EXOSC4: variants seen among roughly 807,000 people sequenced by gnomAD.
EXOSC4 encodes the protein exosome complex component RRP41.
EXOSC4 carries 14 observed loss-of-function variants against 20.0 expected under a neutral mutation model. The ratio of observed to expected loss-of-function variants is 0.70; its 90% CI spans 0.46 to 1.09. The LOEUF (loss-of-function observed/expected upper bound fraction) is 1.09. Among genes scored for constraint, EXOSC4 ranks in the 50% least tolerant of loss-of-function variants. The probability of loss-of-function intolerance (pLI) is 0.00; values close to 1 mark genes in which losing one functional copy is unlikely to be tolerated. For missense variants in EXOSC4, 337 were observed against 334.0 expected, an observed-to-expected ratio of 1.01 and a Z score of -0.07; for synonymous variants, 148 against 146.4, an observed-to-expected ratio of 1.01 and a Z score of -0.08.
At chr8:144,068,772 G>A in the EXOSC4 span, among the ~76,000 whole-genome samples, 2 of 152,210 alleles carry the variant, frequency 1.3e-5, no homozygotes, top group Non-Finnish European at 2.9e-5. Flanking sequence ...CTGAGGACAC[G>A]GGTTCCTTCC....
chr8:144,079,107 C>G (rs1444556350), intron 1 of EXOSC4: 6 of 491,666 alleles, frequency 1.2e-5, no homozygotes, highest in Non-Finnish European at 2.0e-5. Flanking sequence ...TCTGTCCCTG[C>G]GCCCTCCTTC....
At position 144,080,584 on chromosome 8, in the gene EXOSC4, A is replaced by G. The variant is rs150345900; in HGVS notation, c.721A>G (p.Ile241Val). The part of the protein sequence containing the change: ...VVRQHVREAS[I>V]LLGD ...CCGGCAGCATGTGCGTGAGGCCTCT[A>G]TCTTGCTGGGGGACTGACCACCCAG... The change falls in exon 3 of 3, where the codon ATC (isoleucine) becomes GTC (valine). Residue 241 changes from isoleucine (I) to valine (V), a missense_variant. By Grantham distance (29) the Ile-to-Val change is conservative. Coordinates refer to ENST00000316052, the MANE Select transcript of EXOSC4 (RefSeq NM_019037.3). This position sits in a 1 kb window ranked among gnomAD's most constrained non-coding sequence, Gnocchi z 4.9. 8.9e-5 allele frequency: 142 copies of G among 1,598,320 alleles called. No individual in the cohort carries two copies. In the African/African-American group the frequency reaches 1.4e-3, roughly 15 times the overall value.
chr8:144,066,568 A>C, the EXOSC4 span, among the ~76,000 whole-genome samples: 2 of 150,730 alleles, frequency 1.3e-5, no homozygotes, highest in Admixed American at 1.3e-4. Context: ...CAGCCTCCCA[A>C]GTAGCTGGGA....
At chr8:144,077,373 G>A (rs1209837327), upstream of EXOSC4, among the ~76,000 whole-genome samples, 1 of 152,212 alleles carries the variant, frequency 6.6e-6, no homozygotes, top group Non-Finnish European at 1.5e-5. Context: ...GCAGAGGGTG[G>A]GGAATCCGGG....
chr8:144,064,765 C>T, the EXOSC4 span, among the ~76,000 whole-genome samples: 821 of 152,284 alleles, frequency 5.4e-3, 2 homozygotes, highest in African/African-American at 0.019. Context: ...ACAGGAGAGC[C>T]ACCCTCACCC....
At chr8:144,070,352 C>T in the EXOSC4 span, among the ~76,000 whole-genome samples, 4 of 151,828 alleles carry the variant, frequency 2.6e-5, no homozygotes, top group Non-Finnish European at 5.9e-5. Flanking sequence ...GGAGAAACCC[C>T]GTCTCTAATA....
At chr8:144,071,888 G>A in the EXOSC4 span, among the ~76,000 whole-genome samples, 4 of 152,112 alleles carry the variant, frequency 2.6e-5, no homozygotes, top group East Asian at 3.9e-4. Flanking sequence ...GCTGAGGTGG[G>A]AGGATTGCTT....
chr8:144,073,433 C>T, the EXOSC4 span, among the ~76,000 whole-genome samples: 3 of 152,244 alleles, frequency 2.0e-5, no homozygotes, highest in South Asian at 2.1e-4. Context: ...GGAGGAGCAG[C>T]GATTCGTTCT....
chr8:144,076,478 T>A (rs1056109901), upstream of EXOSC4, among the ~76,000 whole-genome samples: 1 of 152,182 alleles, frequency 6.6e-6, no homozygotes, highest in Non-Finnish European at 1.5e-5. Flanking sequence ...CCCATGTGTG[T>A]ACCCTAAAGC....
At chr8:144,073,224 A>G in the EXOSC4 span, among the ~76,000 whole-genome samples, 1 of 152,076 alleles carries the variant, frequency 6.6e-6, no homozygotes, top group Non-Finnish European at 1.5e-5. Context: ...TACTAAAAAT[A>G]CAAATACAAA....
Position 144,080,581 on chromosome 8 carries a change from T to A in EXOSC4, c.718T>A (p.Ser240Thr). Residue 240 changes from serine to threonine, a missense_variant, in exon 3 of 3, where the codon TCT becomes ACT. Ser to Thr is a moderately conservative substitution (Grantham distance 58). Transcript: ENST00000316052. The surrounding 1 kb of genome is among the most constrained non-coding windows in gnomAD (Gnocchi z 4.9). ...GGTCCGGCAGCATGTGCGTGAGGCC[T>A]CTATCTTGCTGGGGGACTGACCACC... ...RVVRQHVREA[S>T]ILLGD The A allele has an allele frequency of 6.3e-7, 1 of 1,598,546 alleles. No homozygotes were observed.
chr8:144,066,000 T>G, the EXOSC4 span, among the ~76,000 whole-genome samples: 1 of 146,112 alleles, frequency 6.8e-6, no homozygotes, highest in African/African-American at 2.6e-5. Context: ...TTTTTTTTGG[T>G]AGAAACAGGG....
rs188660237 is a variant in EXOSC4, at chr8:144,080,213, G to A, written c.379-29G>A. On this transcript the variant is annotated intron_variant, in intron 2 of 2. Transcript: ENST00000316052. This position sits in a 1 kb window ranked among gnomAD's most constrained non-coding sequence, Gnocchi z 4.9. ...TGTGATGGGGTTGGGGAGGGAGTCT[G>A]ATAGACTGACACCCTGGGTTCCCTG... 5.7e-5 allele frequency: 92 copies of A among 1,610,114 alleles called. 1 individual carries two copies. The East Asian group carries it at 1.7e-3, about 29-fold the overall frequency.
chr8:144,077,400 G>A (rs976632036), upstream of EXOSC4, among the ~76,000 whole-genome samples: 5 of 152,306 alleles, frequency 3.3e-5, no homozygotes, highest in South Asian at 2.1e-4. Context: ...AGTGGCAGAG[G>A]GTGGTGACCC....
the EXOSC4 span, among the ~76,000 whole-genome samples, chr8:144,064,840 CTTTT>C: frequency 2.2e-5 from 3 of 136,688 alleles, no homozygotes; most frequent in Admixed American, 7.4e-5. Context: ...TCCAATCTGT[CTTTT>C]TTTTTTTTTT....
rs1835865509 is a variant in EXOSC4 at position 144,078,860 on chromosome 8, C to A, written c.132C>A (p.Gly44=). ...QADGSAYIEQ[G]NTKALAVVYG... ...ACGGCTCGGCCTACATTGAGCAGGG[C>A]AACACCAAGGCACTGGCTGTGGTCT... The change falls in exon 1 of 3, where the codon GGC becomes GGA. Residue 44 remains glycine, a synonymous_variant. Transcript: ENST00000316052. The surrounding 1 kb of genome is among the most constrained non-coding windows in gnomAD (Gnocchi z 4.7). The A allele has an allele frequency of 6.4e-7, 1 of 1,553,954 alleles. No homozygotes were observed. Among genetic ancestry groups the A allele is most frequent in the Non-Finnish European group, 8.7e-7 (1 of 1,151,182 alleles).
chr8:144,066,875 G>A, the EXOSC4 span, among the ~76,000 whole-genome samples: 4 of 151,982 alleles, frequency 2.6e-5, no homozygotes, highest in African/African-American at 7.2e-5. Context: ...ATCACCTGAG[G>A]TCGGGAGTTT....
the EXOSC4 span, among the ~76,000 whole-genome samples, chr8:144,064,768 C>G: frequency 2.6e-3 from 396 of 152,314 alleles, 2 homozygotes; most frequent in Non-Finnish European, 4.6e-3. Flanking sequence ...GGAGAGCCAC[C>G]CTCACCCTCA....
chr8:144,065,556 C>A, the EXOSC4 span, among the ~76,000 whole-genome samples: 3 of 151,928 alleles, frequency 2.0e-5, no homozygotes, highest in Non-Finnish European at 4.4e-5. Context: ...TGGTGAAACC[C>A]CATCTCTACT....
Sources: allele counts gnomAD v4.1 joint callset (sites outside exome capture counted in the v4.1 genomes callset), GRCh38; gene constraint gnomAD v4.1.1; non-coding constraint Gnocchi (gnomAD v3.1); transcripts MANE v1.5; gene names NCBI Gene and HGNC (gene_info 2026-07-23, HGNC 2026-07-21).